The following AHDC1 variants were observed in gnomAD, a reference collection of about 807,000 sequenced individuals.
AHDC1 encodes the protein transcription factor Gibbin.
A neutral mutation model predicts 87.9 loss-of-function variants in AHDC1; 7 were observed. The observed-to-expected ratio is 0.08, with a 90% CI of 0.05 to 0.15. The LOEUF (loss-of-function observed/expected upper bound fraction) is 0.15. Ranked by LOEUF, AHDC1 falls within the 10% of genes least tolerant of loss-of-function variation. The pLI is 1.00. For missense variants in AHDC1, 1,841 were observed against 2,253.2 expected (o/e 0.82, Z 3.70); for synonymous variants, 1,051 against 1,006.8 (o/e 1.04, Z -0.83).
chr1:27,574,812 A>G (rs1444089427), intron 3 of AHDC1, among the ~76,000 whole-genome samples: 2 of 152,158 alleles, frequency 1.3e-5, no homozygotes, highest in Non-Finnish European at 2.9e-5. Context: ...TTCCTTCCCC[A>G]AGCCATAGTG....
At chr1:27,585,634 T>C (rs1251415800) in intron 3 of AHDC1, among the ~76,000 whole-genome samples, 2 of 152,052 alleles carry the variant, frequency 1.3e-5, no homozygotes, top group Non-Finnish European at 2.9e-5. Flanking sequence ...CGGGAAGAGG[T>C]AGCAGAGACT....
rs559351156 is a variant in AHDC1, at chr1:27,549,980, G to A, written c.2136C>T (p.Val712=). 3.2e-5 allele frequency: 52 copies of A among 1,603,368 alleles called. 2 individuals are homozygous for A. In the South Asian group the frequency reaches 4.3e-4, roughly 13 times the overall value. ...CCAACTCAGTAAGGCCCGGGCCCCC[G>A]ACCCCAGCGGCTGCCACGGCCACCA... The part of the protein sequence containing the change: ...KKVVAVAAAG[V]GGPGLTELGH... Residue 712 remains valine, a synonymous_variant, in exon 8 of 9, where the codon GTC becomes GTT. Coordinates refer to ENST00000673934, the MANE Select transcript of AHDC1 (RefSeq NM_001371928.1).
chr1:27,600,235 G>A (rs1000339865), intron 3 of AHDC1, among the ~76,000 whole-genome samples: 4 of 151,834 alleles, frequency 2.6e-5, no homozygotes, highest in Non-Finnish European at 5.9e-5. Flanking sequence ...TGTTACCCTT[G>A]CTTCCTCCCA....
chr1:27,548,360 G>A lies in AHDC1; in HGVS notation c.3756C>T (p.Ser1252=), dbSNP rs765095938. 5.3e-5 allele frequency: 85 copies of A among 1,606,108 alleles called. No individual in the cohort carries two copies. The highest frequency in any genetic ancestry group is 6.0e-5 in the Non-Finnish European group (71 of 1,174,382). ...FEASHLGFPT[S]ASAAASGYPS... is the part of the protein sequence containing the mutation. ...GGTAGCCTGAGGCAGCGGCAGAGGC[G>A]GATGTCGGGAAGCCCAGATGTGAGG... is the stretch of plus-strand genomic sequence containing the variant. Residue 1252 remains serine, a synonymous_variant, in exon 8 of 9, where the codon TCC becomes TCT. Transcript: ENST00000673934.
At chr1:27,566,641 GGGGGAAC>G (rs2020329612) in intron 3 of AHDC1, among the ~76,000 whole-genome samples, 1 of 141,790 alleles carries the variant, frequency 7.1e-6, no homozygotes, top group Non-Finnish European at 1.5e-5. Flanking sequence ...TTAGAGTGTG[GGGGGAAC>G]AGCAGTAGGC....
rs1246858692 is a variant in AHDC1 at position 27,549,125 on chromosome 1, G to C, written c.2991C>G (p.Asp997Glu). The C allele has an allele frequency of 5.2e-6, 8 of 1,553,070 alleles. No individual in the cohort carries two copies. The highest frequency in any genetic ancestry group is 1.4e-5 in the African/African-American group (1 of 73,536). ...TGCCACTGCCATAGGCGAAGCTGCA[G>C]TCCTTGCTGTTAGCGCAGTCCTGGC... ...FTGQDCANSKDCSFAYGSGNS... is the reference protein window; with the variant it reads ...FTGQDCANSKECSFAYGSGNS... Residue 997 changes from aspartate (D) to glutamate (E), a missense_variant, in exon 8 of 9, where the codon GAC becomes GAG. Around this residue, in one of 13 missense-constraint regions of AHDC1, gnomAD observed 378 missense variants for 399.0 expected, o/e 0.95. Coordinates refer to ENST00000673934, the MANE Select transcript of AHDC1 (RefSeq NM_001371928.1).
At position 27,549,716 on chromosome 1, in the gene AHDC1, G is replaced by A. The variant is rs2019414019; in HGVS notation, c.2400C>T (p.Ala800=). Residue 800 remains alanine, a synonymous_variant, in exon 8 of 9, where the codon GCC becomes GCT. Coordinates refer to ENST00000673934, the MANE Select transcript of AHDC1 (RefSeq NM_001371928.1). ...NCGFQGTEAR[A]FASTGLESGA... ...CACTCTCCAGCCCAGTGGAGGCAAA[G>A]GCCCGGGCCTCGGTCCCCTGAAACC... 2 of 1,612,776 alleles carry A rather than the reference G, an allele frequency of 1.2e-6. No homozygotes were observed. Among genetic ancestry groups the A allele is most frequent in the African/African-American group, 1.3e-5 (1 of 74,830 alleles).
chr1:27,548,965 G>T lies in AHDC1; in HGVS notation c.3151C>A (p.Pro1051Thr). 6.4e-7 allele frequency: 1 copy of T among 1,568,134 alleles called. No individual in the cohort carries two copies. Among genetic ancestry groups the T allele is most frequent in the East Asian group, 2.3e-5 (1 of 43,752 alleles). The change falls in exon 8 of 9, where the codon CCC (proline) becomes ACC (threonine). Residue 1051 changes from proline (P) to threonine (T), a missense_variant. Physicochemically the swap from Pro to Thr is conservative, Grantham distance 38. Around this residue, in one of 13 missense-constraint regions of AHDC1, gnomAD observed 378 missense variants for 399.0 expected, o/e 0.95. Transcript: ENST00000673934. ...SEGAPFSGSAPTPLRCDSRAS... is the reference protein window; with the variant it reads ...SEGAPFSGSATTPLRCDSRAS... Reference sequence around the variant, plus strand: ...CGGCTGTCACAGCGCAGGGGCGTGGGGGCTGAACCAGAGAAGGGGGCCCCC... The same window carrying T: ...CGGCTGTCACAGCGCAGGGGCGTGGTGGCTGAACCAGAGAAGGGGGCCCCC...
chr1:27,552,207 C>T lies in AHDC1; in HGVS notation c.-74-18G>A. ...ACCAGGACCTGCCAGGCAGGAAGAG[C>T]AGGAGGTCCCTTACTGAACACCTAC... On this transcript the variant is annotated intron_variant, in intron 7 of 8. Transcript: ENST00000673934. 7.0e-7 allele frequency: 1 copy of T among 1,420,946 alleles called. No homozygotes were observed. Among genetic ancestry groups the T allele is most frequent in the Non-Finnish European group, 9.2e-7 (1 of 1,091,542 alleles). The allele number at this position is 1,420,946 out of a possible 1,614,324, so 88.0% of individuals were successfully genotyped here. A position where few individuals can be genotyped will look rare whatever the true frequency, so the allele number is the denominator to read the frequency against.
Position 27,551,189 on chromosome 1 carries a change from C to T in AHDC1, c.927G>A (p.Leu309=). The T allele has an allele frequency of 6.2e-7, 1 of 1,610,148 alleles. No homozygotes were observed. Among genetic ancestry groups the T allele is most frequent in the Middle Eastern group, 1.7e-4 (1 of 6,056 alleles). The stretch of plus-strand genomic sequence containing the variant: ...CCAGGGCCTGGAGAGCCAGGCCCGG[C>T]AGCCCCAGAGGATCAGCAAGAGGTT... ...PLQPLADPLG[L]PGLALQALDT... The change falls in exon 8 of 9, where the codon CTG becomes CTA. Residue 309 remains leucine, a synonymous_variant. Coordinates refer to ENST00000673934, the MANE Select transcript of AHDC1 (RefSeq NM_001371928.1).
intron 8 of AHDC1, among the ~76,000 whole-genome samples, chr1:27,546,834 C>T (rs982849012): frequency 6.6e-6 from 1 of 152,168 alleles, no homozygotes; most frequent in African/African-American, 2.4e-5. Context: ...CCTGGGTAGA[C>T]GACCGTCCAA....
intron 8 of AHDC1, among the ~76,000 whole-genome samples, chr1:27,539,695 C>CGCTGGGATTACA (rs1210882369): frequency 6.6e-6 from 1 of 152,164 alleles, no homozygotes; most frequent in Non-Finnish European, 1.5e-5. Context: ...CCACCCACCT[C>CGCTGGGATTACA]GGCCTCCCAA....
In AHDC1 at chr1:27,590,185, G is replaced by A. The variant is rs2089185079; in HGVS notation, c.-629+13212C>T. 6.6e-6 allele frequency among the ~76,000 whole-genome samples: 1 copy of A among 152,206 alleles called. No homozygotes were observed. Among genetic ancestry groups the A allele is most frequent in the South Asian group, 2.1e-4 (1 of 4,832 alleles). On this transcript the variant is annotated intron_variant, in intron 3 of 8. Transcript: ENST00000673934. The surrounding 1 kb of genome is among the most constrained non-coding windows in gnomAD (Gnocchi z 5.4). ...TCCATCTCTCAGCAACAAGATTCCT[G>A]GTGAGCAGGCTGCGGGGTTTGGCAG... is the stretch of plus-strand genomic sequence containing the variant.
rs143380632 is a variant in AHDC1, at chr1:27,574,616, G to A, written c.-628-15733C>T. On this transcript the variant is annotated intron_variant, in intron 3 of 8. Coordinates refer to ENST00000673934, the MANE Select transcript of AHDC1 (RefSeq NM_001371928.1). ...ACCATGGTGAGAGTATGCTAGGTGG[G>A]GGCAGGAAACAGAACTGAACAAGGG... Among the ~76,000 whole-genome samples the A allele has an allele frequency of 9.5e-3, 1,446 of 152,236 alleles. 16 individuals carry two copies. Among genetic ancestry groups the A allele is most frequent in the African/African-American group, 0.032 (1,337 of 41,530 alleles).
chr1:27,580,261 C>G lies in AHDC1; in HGVS notation c.-628-21378G>C, dbSNP rs141019966. 5.3e-3 allele frequency among the ~76,000 whole-genome samples: 807 copies of G among 152,270 alleles called. 10 individuals are homozygous for G. Among genetic ancestry groups the G allele is most frequent in the African/African-American group, 0.017 (708 of 41,522 alleles). ...TGGCCCCACCTCCACCCCTTCCCAG[C>G]AGGCTCCAGAGCAGGTCACTTAGCT... On this transcript the variant is annotated intron_variant, in intron 3 of 8. Coordinates refer to ENST00000673934, the MANE Select transcript of AHDC1 (RefSeq NM_001371928.1).
intron 3 of AHDC1, among the ~76,000 whole-genome samples, chr1:27,564,048 C>T (rs114265029): frequency 6.6e-6 from 1 of 152,172 alleles, no homozygotes; most frequent in Non-Finnish European, 1.5e-5. Flanking sequence ...TTGAGACCCC[C>T]ATAGCTTCCA....
chr1:27,548,413 G>A lies in AHDC1; in HGVS notation c.3703C>T (p.Arg1235Trp), dbSNP rs1329989312. 3.7e-6 allele frequency: 6 copies of A among 1,610,674 alleles called. No individual in the cohort carries two copies. Among genetic ancestry groups the A allele is most frequent in the South Asian group, 1.1e-5 (1 of 91,052 alleles). The change falls in exon 8 of 9, where the codon CGG becomes TGG. Residue 1235 changes from arginine (R) to tryptophan (W), a missense_variant. Physicochemically the swap from Arg to Trp is moderately radical, Grantham distance 101 (BLOSUM62 -3). This residue lies in a region of AHDC1 where 505 missense variants were observed against 626.2 expected (regional missense o/e 0.81). Transcript: ENST00000673934. ...FQSSSKPGRGRRKKVDLFEAS... is the reference protein window; with the variant it reads ...FQSSSKPGRGWRKKVDLFEAS... ...TCGAACAGGTCCACCTTCTTCCGCC[G>A]TCCACGGCCCGGCTTGGAGCTACTC... is the stretch of plus-strand genomic sequence containing the variant.
rs80237006 is a variant in AHDC1 at position 27,560,872 on chromosome 1, T to C, written c.-628-1989A>G. ...GTGTGTGAGTGCGTGTGTGCATGCA[T>C]GTGAGATACCCTTTGTGAGACGGTG... On this transcript the variant is annotated intron_variant, in intron 3 of 8. Coordinates refer to ENST00000673934, the MANE Select transcript of AHDC1 (RefSeq NM_001371928.1). This position sits in a 1 kb window ranked among gnomAD's most constrained non-coding sequence, Gnocchi z 4.1. Among the ~76,000 whole-genome samples, 1,225 of 151,974 alleles carry C rather than the reference T, an allele frequency of 8.1e-3. 8 individuals are homozygous for C. Among genetic ancestry groups the C allele is most frequent in the Non-Finnish European group, 0.013 (884 of 67,976 alleles).
intron 8 of AHDC1, among the ~76,000 whole-genome samples, chr1:27,546,888 C>T (rs183843801): frequency 1.1e-3 from 171 of 152,288 alleles, no homozygotes; most frequent in African/African-American, 3.7e-3. Context: ...GATACAAATG[C>T]CCACCCTTAT....
Sources: allele counts gnomAD v4.1 joint callset (sites outside exome capture counted in the v4.1 genomes callset), GRCh38; gene constraint gnomAD v4.1.1; regional missense constraint gnomAD v4.1.1; non-coding constraint Gnocchi (gnomAD v3.1); transcripts MANE v1.5; gene names NCBI Gene and HGNC (gene_info 2026-07-23, HGNC 2026-07-21).